PKP4: variants seen among roughly 807,000 people sequenced by gnomAD.
PKP4 encodes plakophilin 4.
Under a neutral mutation model 145.1 loss-of-function variants are expected in PKP4, and 90 were observed. The ratio of observed to expected loss-of-function variants is 0.62; its 90% CI spans 0.52 to 0.74. The LOEUF (loss-of-function observed/expected upper bound fraction) is 0.74, where lower values mean the gene tolerates loss of function less well. PKP4 is among the 30% of genes least tolerant of loss of function. PKP4 has a pLI of 0.00. For missense variants in PKP4, 1,340 were observed against 1,482.7 expected (o/e 0.90, Z 1.58); for synonymous variants, 563 against 577.2 (o/e 0.98, Z 0.35).
At chr2:158,514,611 G>GT (rs1354681869) in intron 1 of PKP4, among the ~76,000 whole-genome samples, 20 of 152,096 alleles carry the variant, frequency 1.3e-4, no homozygotes, top group Admixed American at 5.2e-4. Flanking sequence ...AAATCAAGAG[G>GT]TTTTTTTTCT....
chr2:158,643,287 C>A (rs1313330834), intron 11 of PKP4, among the ~76,000 whole-genome samples: 1 of 152,150 alleles, frequency 6.6e-6, no homozygotes, highest in Non-Finnish European at 1.5e-5. Flanking sequence ...CCCTGGGTGA[C>A]ATGAAACTGA....
intron 2 of PKP4, among the ~76,000 whole-genome samples, chr2:158,535,084 G>A (rs1051620764): frequency 6.6e-6 from 1 of 151,934 alleles, no homozygotes; most frequent in Non-Finnish European, 1.5e-5. Context: ...TTTAACCCAG[G>A]ATACCACATC....
At chr2:158,601,812 C>T (rs991002010) in intron 3 of PKP4, among the ~76,000 whole-genome samples, 5 of 152,074 alleles carry the variant, frequency 3.3e-5, no homozygotes, top group African/African-American at 9.7e-5. Flanking sequence ...GGTTTTCAAC[C>T]AGCAAGTTTC....
rs2058381666 is a variant in PKP4, at chr2:158,680,683, A to C, written c.*6A>C. ...CCCCAGACTCATGGGTGTAGCATCAAGATGCCCAACAGAGGAACTCTTTCT... is the reference window on the plus strand; with the variant it reads ...CCCCAGACTCATGGGTGTAGCATCACGATGCCCAACAGAGGAACTCTTTCT... On this transcript the variant is annotated 3_prime_UTR_variant, in exon 22 of 22. Transcript: ENST00000389759. 5.0e-6 allele frequency: 8 copies of C among 1,602,422 alleles called. No individual in the cohort carries two copies. The East Asian group carries it at 1.8e-4, about 36-fold the overall frequency.
intron 17 of PKP4, among the ~76,000 whole-genome samples, chr2:158,672,938 T>C (rs1484012609): frequency 6.6e-6 from 1 of 152,204 alleles, no homozygotes; most frequent in African/African-American, 2.4e-5. Flanking sequence ...AAGTGTTCAG[T>C]TGTCCTTAGG....
intron 17 of PKP4, among the ~76,000 whole-genome samples, chr2:158,670,156 G>C (rs1393839267): frequency 6.6e-6 from 1 of 152,138 alleles, no homozygotes; most frequent in Non-Finnish European, 1.5e-5. Context: ...ATTGGTATTT[G>C]TCTCTGTCTT....
intron 3 of PKP4, among the ~76,000 whole-genome samples, chr2:158,591,371 A>C (rs185149801): frequency 3.7e-4 from 56 of 152,232 alleles, no homozygotes; most frequent in Admixed American, 5.2e-4. Context: ...TTAGAGATAC[A>C]TTTCAAGTAT....
intron 2 of PKP4, among the ~76,000 whole-genome samples, chr2:158,567,432 T>C (rs1013606793): frequency 1.3e-5 from 2 of 152,110 alleles, no homozygotes; most frequent in African/African-American, 4.8e-5. Context: ...CAAGGCTGAG[T>C]TGGCTTTTTA....
chr2:158,643,798 C>G (rs959207020), intron 11 of PKP4, among the ~76,000 whole-genome samples: 1 of 151,834 alleles, frequency 6.6e-6, no homozygotes, highest in African/African-American at 2.4e-5. Context: ...CGGAGTCTTG[C>G]TCTGTCACCC....
Position 158,489,156 on chromosome 2 carries a change from AT to A in PKP4, c.-6+31947del, listed in dbSNP as rs1384047411. 2.8e-3 allele frequency among the ~76,000 whole-genome samples: 430 copies of A among 151,306 alleles called. 2 individuals are homozygous for A. The highest frequency in any genetic ancestry group is 8.9e-3 in the African/African-American group (365 of 41,224). On this transcript the variant is annotated intron_variant, in intron 1 of 21. Transcript: ENST00000389759. ...AAGTTCATCCACATACAGTAGAGTC[AT>A]TTTTTTTTCCTTCAGAAATCATTAT... is the stretch of plus-strand genomic sequence containing the variant.
chr2:158,521,726 A>G (rs1386874730), intron 1 of PKP4, among the ~76,000 whole-genome samples: 1 of 152,198 alleles, frequency 6.6e-6, no homozygotes, highest in Non-Finnish European at 1.5e-5. Flanking sequence ...TTAACTTTTC[A>G]GGCAAATTCT....
intron 1 of PKP4, among the ~76,000 whole-genome samples, chr2:158,487,008 C>G (rs1427958522): frequency 6.6e-6 from 1 of 152,178 alleles, no homozygotes; most frequent in Non-Finnish European, 1.5e-5. Flanking sequence ...CTTCATAGTT[C>G]TGTACCTATT....
At chr2:158,666,334 A>C in intron 15 of PKP4, 79 bp from the exon 16 acceptor site, 1 of 1,215,312 alleles carries the variant, frequency 8.2e-7, no homozygotes, top group Middle Eastern at 3.1e-4. Context: ...ATCTTTTGGA[A>C]ACATCTTTTT....
intron 1 of PKP4, among the ~76,000 whole-genome samples, chr2:158,460,123 T>C (rs1689547322): frequency 6.6e-6 from 1 of 152,086 alleles, no homozygotes; most frequent in Non-Finnish European, 1.5e-5. Context: ...TGGAGGGAGA[T>C]AAGGGAGCAG....
At chr2:158,539,880 T>C (rs2044366624) in intron 2 of PKP4, among the ~76,000 whole-genome samples, 1 of 152,220 alleles carries the variant, frequency 6.6e-6, no homozygotes, top group Non-Finnish European at 1.5e-5. Flanking sequence ...GCATGTACCA[T>C]GGTCAGAATT....
At chr2:158,651,246 C>G (rs1034117675) in intron 11 of PKP4, among the ~76,000 whole-genome samples, 2 of 152,160 alleles carry the variant, frequency 1.3e-5, no homozygotes, top group African/African-American at 4.8e-5. Context: ...CCACCACCCC[C>G]TTGACTTCCT....
At chr2:158,646,975 A>G (rs769192863) in intron 11 of PKP4, among the ~76,000 whole-genome samples, 7 of 152,178 alleles carry the variant, frequency 4.6e-5, no homozygotes, top group Admixed American at 1.3e-4. Flanking sequence ...GAATGGCCCT[A>G]CAAAAAGACC....
chr2:158,647,444 GT>G (rs2054938452), intron 11 of PKP4, among the ~76,000 whole-genome samples: 1 of 152,080 alleles, frequency 6.6e-6, no homozygotes, highest in African/African-American at 2.4e-5. Flanking sequence ...CTTTGTTTCA[GT>G]TTGGCAGTTT....
chr2:158,676,621 C>T (rs948483819), intron 19 of PKP4, 118 bp from the exon 20 acceptor site: 6 of 1,215,204 alleles, frequency 4.9e-6, no homozygotes, highest in Non-Finnish European at 7.2e-6. Context: ...TTTTCAGCAC[C>T]AGCTGTGTGT....
Sources: allele counts gnomAD v4.1 joint callset (sites outside exome capture counted in the v4.1 genomes callset), GRCh38; gene constraint gnomAD v4.1.1; transcripts MANE v1.5; gene names NCBI Gene and HGNC (gene_info 2026-07-23, HGNC 2026-07-21).